The following EEA1 variants were observed in gnomAD, a reference collection of about 807,000 sequenced individuals.
EEA1 encodes the protein early endosome antigen 1, 162kD.
Under a neutral mutation model 209.2 loss-of-function variants are expected in EEA1, and 111 were observed. The observed-to-expected ratio is 0.53, with a 90% CI of 0.45 to 0.62. The LOEUF (loss-of-function observed/expected upper bound fraction) is 0.62, where lower values mean the gene tolerates loss of function less well. Among genes scored for constraint, EEA1 ranks in the 20% least tolerant of loss-of-function variants. EEA1 has a pLI of 0.00. For synonymous variants in EEA1, 536 were observed against 540.6 expected (o/e 0.99, Z 0.12); for missense variants, 1,343 against 1,530.8 (o/e 0.88, Z 2.05).
intron 3 of EEA1, among the ~76,000 whole-genome samples, chr12:92,861,254 G>C (rs1244277392): frequency 6.6e-6 from 1 of 152,130 alleles, no homozygotes; most frequent in African/African-American, 2.4e-5. Context: ...TCAGGAGTTC[G>C]AGACCAGCCT....
At chr12:92,835,128 A>G (rs1443152605) in intron 10 of EEA1, among the ~76,000 whole-genome samples, 2 of 151,632 alleles carry the variant, frequency 1.3e-5, no homozygotes, top group African/African-American at 2.4e-5. Flanking sequence ...TGATCCGCCC[A>G]CCTCGGCCTC....
At chr12:92,839,260 C>T (rs753964991) in intron 10 of EEA1, among the ~76,000 whole-genome samples, 2 of 152,070 alleles carry the variant, frequency 1.3e-5, no homozygotes, top group Non-Finnish European at 2.9e-5. Flanking sequence ...TATAAAATCA[C>T]GCACAGGAAA....
intron 16 of EEA1, 137 bp from the exon 17 acceptor site, chr12:92,811,571 A>T (rs994340846): frequency 3.9e-6 from 2 of 512,570 alleles, no homozygotes; most frequent in African/African-American, 2.0e-5. Flanking sequence ...ATCTAATGAT[A>T]TATCAGAGGC....
At position 92,771,039 on chromosome 12, in the gene EEA1, CTTAAT is replaced by C. The variant is rs1873413734; in HGVS notation, c.*4967_*4971del. The stretch of plus-strand genomic sequence containing the variant: ...TGTGTGTGTTAGCACAGTACAGTCA[CTTAAT>C]TTTATTTGGCAGGACTTCAAATTTC... On this transcript the variant is annotated 3_prime_UTR_variant, in exon 29 of 29. Transcript: ENST00000322349. 1 of 150,322 alleles carries C rather than the reference CTTAAT, an allele frequency of 6.7e-6. No individual in the cohort carries two copies. Among genetic ancestry groups the C allele is most frequent in the Non-Finnish European group, 1.5e-5 (1 of 67,370 alleles). The allele number at this position is 150,322 out of a possible 1,614,324, so 9.3% of individuals were successfully genotyped here.
intron 11 of EEA1, among the ~76,000 whole-genome samples, chr12:92,831,595 A>AT: frequency 6.8e-6 from 1 of 147,028 alleles, no homozygotes; most frequent in South Asian, 2.2e-4. Context: ...TAAAATATAT[A>AT]TTTCATAAAT....
At chr12:92,912,810 T>C (rs1045336536) in intron 1 of EEA1, among the ~76,000 whole-genome samples, 1 of 152,222 alleles carries the variant, frequency 6.6e-6, no homozygotes, top group Non-Finnish European at 1.5e-5. Context: ...ACTTTGTTTC[T>C]GAGTGATTTC....
At chr12:92,899,070 G>A (rs1304500286) in intron 1 of EEA1, among the ~76,000 whole-genome samples, 1 of 151,424 alleles carries the variant, frequency 6.6e-6, no homozygotes, top group Non-Finnish European at 1.5e-5. Flanking sequence ...GGTAGAAAGT[G>A]GCAGAATTTC....
chr12:92,926,396 A>AT (rs1477330150), intron 1 of EEA1, among the ~76,000 whole-genome samples: 1 of 152,216 alleles, frequency 6.6e-6, no homozygotes, highest in African/African-American at 2.4e-5. Flanking sequence ...GAGAAATAAG[A>AT]TTAGCAGGGA....
chr12:92,873,197 T>A (rs932676199), intron 2 of EEA1, among the ~76,000 whole-genome samples: 1 of 152,202 alleles, frequency 6.6e-6, no homozygotes, highest in African/African-American at 2.4e-5. Context: ...CCTATTCTTC[T>A]AGAGTTTTTG....
chr12:92,823,118 T>C (rs923454213), intron 13 of EEA1, among the ~76,000 whole-genome samples: 2 of 152,242 alleles, frequency 1.3e-5, no homozygotes, highest in Non-Finnish European at 1.5e-5. Flanking sequence ...GCTGCATATA[T>C]TAGTCTTTTA....
intron 2 of EEA1, chr12:92,884,221 A>C: frequency 6.6e-7 from 1 of 1,515,834 alleles, no homozygotes; most frequent in East Asian, 2.3e-5. Flanking sequence ...TTGCCTTTGT[A>C]ACCTTTGACG....
chr12:92,857,572 A>T, intron 3 of EEA1, 87 bp from the exon 4 acceptor site: 1 of 767,962 alleles, frequency 1.3e-6, no homozygotes, highest in Non-Finnish European at 2.0e-6. Context: ...GTAATTGTAT[A>T]TTAATATTAT....
intron 10 of EEA1, 93 bp from the exon 11 acceptor site, chr12:92,832,943 T>G (rs903498893): frequency 1.1e-6 from 1 of 878,864 alleles, no homozygotes; most frequent in Non-Finnish European, 1.7e-6. Flanking sequence ...TGTCTCCTAT[T>G]ATACATTTTA....
In EEA1 at chr12:92,777,544, T is replaced by C; in HGVS notation, c.4013A>G (p.Gln1338Arg). ...QELGRENQSLQIKHTQALNRK... is the reference protein window; with the variant it reads ...QELGRENQSLRIKHTQALNRK... The stretch of plus-strand genomic sequence containing the variant: ...GCTTCATATCCATAGGTGACTGACC[T>C]GAAGTGATTGGTTTTCTCTGCCCAG... Residue 1338 changes from glutamine to arginine, a missense_variant and splice_region_variant, in exon 27 of 29, where the codon CAG becomes CGG. By Grantham distance (43) the Gln-to-Arg change is conservative. Coordinates refer to ENST00000322349, the MANE Select transcript of EEA1 (RefSeq NM_003566.4). 3.7e-6 allele frequency: 6 copies of C among 1,611,410 alleles called. No individual in the cohort carries two copies. The highest frequency in any genetic ancestry group is 5.1e-6 in the Non-Finnish European group (6 of 1,178,330).
chr12:92,822,183 A>G (rs1327942623), intron 13 of EEA1, among the ~76,000 whole-genome samples: 5 of 151,898 alleles, frequency 3.3e-5, no homozygotes, highest in Admixed American at 6.6e-5. Context: ...CTCTCCCCCA[A>G]TATCCTTAAT....
At chr12:92,862,143 A>G (rs1878181851) in intron 3 of EEA1, among the ~76,000 whole-genome samples, 1 of 152,238 alleles carries the variant, frequency 6.6e-6, no homozygotes, top group African/African-American at 2.4e-5. Context: ...ACAGTGTTAT[A>G]GTGGAGTAGA....
chr12:92,888,281 T>C (rs1022363049), intron 2 of EEA1, among the ~76,000 whole-genome samples: 1 of 152,220 alleles, frequency 6.6e-6, no homozygotes, highest in Admixed American at 6.5e-5. Context: ...AATGATGTTC[T>C]ATAAAACGAA....
intron 2 of EEA1, among the ~76,000 whole-genome samples, chr12:92,865,610 G>C (rs1010244165): frequency 7.2e-5 from 11 of 151,900 alleles, no homozygotes; most frequent in Middle Eastern, 3.2e-3. Flanking sequence ...CTACCAACTA[G>C]AGTACTATGT....
chr12:92,872,413 A>C (rs146936268), intron 2 of EEA1, among the ~76,000 whole-genome samples: 1 of 152,290 alleles, frequency 6.6e-6, no homozygotes, highest in African/African-American at 2.4e-5. Flanking sequence ...TTCAACAAAG[A>C]AGTTCTCTTT....
Sources: allele counts gnomAD v4.1 joint callset (sites outside exome capture counted in the v4.1 genomes callset), GRCh38; gene constraint gnomAD v4.1.1; transcripts MANE v1.5; gene names NCBI Gene and HGNC (gene_info 2026-07-23, HGNC 2026-07-21).